Variants in ATAD2B observed in about 807,000 individuals in gnomAD.
ATAD2B encodes ATPase family AAA domain containing 2B, also known as ATPase family AAA domain-containing protein 2B.
A neutral mutation model predicts 167.6 loss-of-function variants in ATAD2B; 40 were observed. That is an observed-to-expected ratio of 0.24 (90% CI 0.19 to 0.31). The LOEUF (loss-of-function observed/expected upper bound fraction) is 0.31, where lower values mean the gene tolerates loss of function less well. Ranked by LOEUF, ATAD2B falls within the 10% of genes least tolerant of loss-of-function variation. The pLI is 1.00. For synonymous variants in ATAD2B, 579 were observed against 596.5 expected (o/e 0.97, Z 0.43); for missense variants, 1,242 against 1,757.2 (o/e 0.71, Z 5.24).
chr2:23,918,658 G>C (rs1219040861), intron 1 of ATAD2B, among the ~76,000 whole-genome samples: 1 of 152,036 alleles, frequency 6.6e-6, no homozygotes, highest in East Asian at 1.9e-4. Flanking sequence ...AGATAGGCAG[G>C]TAAAAGTTGT....
At chr2:23,920,203 G>A (rs1341669578) in intron 1 of ATAD2B, among the ~76,000 whole-genome samples, 2 of 151,664 alleles carry the variant, frequency 1.3e-5, no homozygotes, top group Admixed American at 6.6e-5. Flanking sequence ...TGCTGTTCTA[G>A]GCACTCAGGA....
At chr2:23,703,744 G>A in the ATAD2B span, 32 of 1,536,968 alleles carry the variant, frequency 2.1e-5, no homozygotes, top group South Asian at 7.1e-5. Flanking sequence ...CCGCTGTCAC[G>A]CTCAATGGCT....
chr2:23,751,929 A>G lies in ATAD2B; in HGVS notation c.*117T>C. On this transcript the variant is annotated 3_prime_UTR_variant, in exon 28 of 28. Coordinates refer to ENST00000238789, the MANE Select transcript of ATAD2B (RefSeq NM_017552.4). Reference sequence around the variant, plus strand: ...ATTCAACAGAGAGAAAGAATGAGTGAGAGAGCACTTTACACCAAGGCTCTG... The same window carrying G: ...ATTCAACAGAGAGAAAGAATGAGTGGGAGAGCACTTTACACCAAGGCTCTG... 1.2e-6 allele frequency: 1 copy of G among 819,468 alleles called. No individual in the cohort carries two copies. The highest frequency in any genetic ancestry group is 2.0e-6 in the Non-Finnish European group (1 of 510,802). 50.8% of individuals were successfully genotyped at this position (819,468 alleles called of 1,614,324 possible).
At chr2:23,684,865 T>G in the ATAD2B span, among the ~76,000 whole-genome samples, 1 of 152,062 alleles carries the variant, frequency 6.6e-6, no homozygotes, top group Non-Finnish European at 1.5e-5. The surrounding 1 kb of genome is among the most constrained non-coding windows in gnomAD (Gnocchi z 4.4). Context: ...TCCCTGAGAT[T>G]AGGGGGGACT....
chr2:23,767,415 T>G (rs990610694), intron 22 of ATAD2B, among the ~76,000 whole-genome samples: 2 of 152,136 alleles, frequency 1.3e-5, no homozygotes, highest in African/African-American at 4.8e-5. Flanking sequence ...TTACTCCATC[T>G]GTAAGGGTGC....
chr2:23,695,792 C>T, the ATAD2B span: 3 of 1,550,566 alleles, frequency 1.9e-6, no homozygotes, highest in Non-Finnish European at 1.7e-6. The surrounding 1 kb of genome is among the most constrained non-coding windows in gnomAD (Gnocchi z 7.6). Context: ...GAGATGCAGA[C>T]GCCCCGAACC....
At chr2:23,821,254 G>T (rs189429978) in intron 16 of ATAD2B, among the ~76,000 whole-genome samples, 1 of 152,150 alleles carries the variant, frequency 6.6e-6, no homozygotes, top group African/African-American at 2.4e-5. Flanking sequence ...CTATAAAATG[G>T]TAATTCACAA....
chr2:23,754,947 G>C (rs1675783503), intron 25 of ATAD2B, 173 bp from the exon 26 acceptor site: 3 of 578,448 alleles, frequency 5.2e-6, no homozygotes, highest in Non-Finnish European at 2.8e-6. Flanking sequence ...TTATTGGTAA[G>C]ACTAAGTAAC....
At chr2:23,898,169 C>T (rs960362278) in intron 1 of ATAD2B, among the ~76,000 whole-genome samples, 1 of 152,140 alleles carries the variant, frequency 6.6e-6, no homozygotes, top group Non-Finnish European at 1.5e-5. Context: ...TTTCAAACTC[C>T]TGGCCTCAAG....
chr2:23,811,887 C>T (rs1400126543), intron 17 of ATAD2B, among the ~76,000 whole-genome samples: 2 of 151,900 alleles, frequency 1.3e-5, no homozygotes, highest in African/African-American at 4.8e-5. Context: ...CTTCTTCCAA[C>T]ACAAATTTTA....
At chr2:23,691,934 T>G in the ATAD2B span, 1 of 1,493,372 alleles carries the variant, frequency 6.7e-7, no homozygotes, top group East Asian at 2.5e-5. Context: ...GGCGGAGAAC[T>G]CCATAAACAG....
chr2:23,923,610 TCACAGAGTTATATA>T (rs1704268568), intron 1 of ATAD2B, among the ~76,000 whole-genome samples: 2 of 149,078 alleles, frequency 1.3e-5, no homozygotes, highest in African/African-American at 2.5e-5. Flanking sequence ...ATCTCCAAAC[TCACAGAGTTATATA>T]CACTAAGTAC....
the ATAD2B span, among the ~76,000 whole-genome samples, chr2:23,719,493 C>T: frequency 6.6e-6 from 1 of 152,134 alleles, no homozygotes; most frequent in African/African-American, 2.4e-5. Context: ...AACAAATATA[C>T]AGTGCCAAGA....
the ATAD2B span, among the ~76,000 whole-genome samples, chr2:23,718,615 T>C: frequency 6.6e-6 from 1 of 152,182 alleles, no homozygotes; most frequent in Admixed American, 6.5e-5. Context: ...AGAACTGTAT[T>C]AGTGTCCTAG....
intron 19 of ATAD2B, among the ~76,000 whole-genome samples, chr2:23,796,535 T>G (rs1682648863): frequency 6.6e-6 from 1 of 152,210 alleles, no homozygotes; most frequent in Admixed American, 6.5e-5. Context: ...TAGAAATTTT[T>G]CAAACAATAT....
intron 17 of ATAD2B, among the ~76,000 whole-genome samples, chr2:23,818,762 G>A (rs1686993278): frequency 6.6e-6 from 1 of 152,138 alleles, no homozygotes; most frequent in Non-Finnish European, 1.5e-5. Context: ...CAACTATGGG[G>A]CTAATTATGT....
chr2:23,731,166 T>C, the ATAD2B span, among the ~76,000 whole-genome samples: 2 of 152,168 alleles, frequency 1.3e-5, no homozygotes, highest in Non-Finnish European at 2.9e-5. Context: ...TTCATAATAA[T>C]ACCAAATTAA....
chr2:23,853,084 A>G (rs912764615), intron 13 of ATAD2B, among the ~76,000 whole-genome samples: 2 of 152,238 alleles, frequency 1.3e-5, no homozygotes, highest in Non-Finnish European at 2.9e-5. Flanking sequence ...CTAGGAATAT[A>G]GTGGAAATCC....
intron 14 of ATAD2B, 146 bp downstream of exon 14, chr2:23,833,773 A>G (rs868858912): frequency 1.1e-5 from 7 of 660,376 alleles, no homozygotes; most frequent in Middle Eastern, 3.6e-4. Flanking sequence ...CTGTTCCATA[A>G]TTACATAGGT....
Sources: gnomAD v4.1 joint callset for allele counts (sites outside exome capture counted in the v4.1 genomes callset) on GRCh38, gnomAD v4.1.1 for gene constraint, Gnocchi (gnomAD v3.1) non-coding constraint, MANE v1.5 for transcripts, NCBI Gene and HGNC (gene_info 2026-07-23, HGNC 2026-07-21) for gene names.